Variants in SGCD observed in about 807,000 individuals in gnomAD.
SGCD encodes the protein delta-sarcoglycan.
SGCD carries 18 observed loss-of-function variants against 36.6 expected under a neutral mutation model. The observed-to-expected ratio is 0.49, with a 90% CI of 0.34 to 0.73. SGCD has a LOEUF of 0.73. Among genes scored for constraint, SGCD ranks in the 30% least tolerant of loss-of-function variants. The probability of loss-of-function intolerance (pLI) is 0.01; values close to 1 mark genes in which losing one functional copy is unlikely to be tolerated. For missense variants in SGCD, 387 were observed against 346.7 expected (o/e 1.12, Z -0.92); for synonymous variants, 133 against 130.6 (o/e 1.02, Z -0.12).
intron 7 of SGCD, among the ~76,000 whole-genome samples, chr5:156,669,335 A>G (rs1753195210): frequency 6.6e-6 from 1 of 152,130 alleles, no homozygotes; most frequent in Non-Finnish European, 1.5e-5. Flanking sequence ...AATTTTCCTT[A>G]TTCTTGTCAT....
rs180909137 is a variant in SGCD, at chr5:155,875,161, A to G, written c.-282+4737A>G. Among the ~76,000 whole-genome samples the G allele has an allele frequency of 5.5e-3, 844 of 152,222 alleles. 4 individuals carry two copies. The highest frequency in any genetic ancestry group is 8.8e-3 in the Non-Finnish European group (600 of 67,992). ...GAAAGAAACCAGACAAAAAGTAAAT[A>G]CGTATTGTATAAGCCCATTTATATA... is the stretch of plus-strand genomic sequence containing the variant. On this transcript the variant is annotated intron_variant, in intron 1 of 9. Transcript: ENST00000517913.
At chr5:156,415,147 C>G (rs373173172) in intron 3 of SGCD, among the ~76,000 whole-genome samples, 33 of 152,090 alleles carry the variant, frequency 2.2e-4, no homozygotes, top group African/African-American at 7.2e-4. Context: ...TTTAGTTATA[C>G]TCTATCTCGT....
At chr5:156,735,641 G>A (rs76691977) in intron 7 of SGCD, among the ~76,000 whole-genome samples, 14,175 of 152,200 alleles carry the variant, frequency 0.093, 887 homozygotes, top group South Asian at 0.16. Context: ...GCTCTGTCCC[G>A]GGTAGGTGCA....
chr5:156,348,966 A>G (rs1179287032), intron 3 of SGCD, among the ~76,000 whole-genome samples: 1 of 152,146 alleles, frequency 6.6e-6, no homozygotes, highest in African/African-American at 2.4e-5. Flanking sequence ...AAATCAGCTG[A>G]TCTTTTACAA....
chr5:156,050,734 C>T (rs1316536027), intron 1 of SGCD, among the ~76,000 whole-genome samples: 1 of 146,590 alleles, frequency 6.8e-6, no homozygotes, highest in Admixed American at 6.8e-5. Context: ...TCTTGATGCT[C>T]TAGGAGATAA....
chr5:156,376,811 A>C (rs1406901213), intron 3 of SGCD, among the ~76,000 whole-genome samples: 1 of 152,172 alleles, frequency 6.6e-6, no homozygotes, highest in Non-Finnish European at 1.5e-5. Flanking sequence ...AAGTGGCCCA[A>C]GGTGCTCTCT....
At chr5:156,132,764 G>A (rs539701606) in intron 3 of SGCD, among the ~76,000 whole-genome samples, 4 of 151,948 alleles carry the variant, frequency 2.6e-5, no homozygotes, top group South Asian at 2.1e-4. Flanking sequence ...CACCGCGCCC[G>A]GCCCTTACCA....
chr5:156,225,281 T>C (rs1226002583), intron 3 of SGCD, among the ~76,000 whole-genome samples: 8 of 152,168 alleles, frequency 5.3e-5, no homozygotes, highest in Non-Finnish European at 1.2e-4. Flanking sequence ...GCTATCAAGC[T>C]ACCTTGAAAT....
chr5:156,005,021 G>T (rs1407831906), intron 1 of SGCD, among the ~76,000 whole-genome samples: 2 of 152,190 alleles, frequency 1.3e-5, no homozygotes, highest in Non-Finnish European at 1.5e-5. Context: ...GCACTAGCTG[G>T]CAGGAGGGTG....
chr5:156,673,569 G>A (rs554085841), intron 7 of SGCD, among the ~76,000 whole-genome samples: 21 of 152,206 alleles, frequency 1.4e-4, no homozygotes, highest in African/African-American at 3.9e-4. Flanking sequence ...AACCTGACTC[G>A]TTAATGATAA....
chr5:156,757,425 C>G (rs2113175932), intron 7 of SGCD, among the ~76,000 whole-genome samples, 156 bp from the exon 8 acceptor site: 1 of 151,180 alleles, frequency 6.6e-6, no homozygotes, highest in South Asian at 2.1e-4. Context: ...TTATTATGCT[C>G]CCTGTCATAA....
At chr5:156,442,519 G>A (rs1053114399) in intron 3 of SGCD, among the ~76,000 whole-genome samples, 6 of 152,140 alleles carry the variant, frequency 3.9e-5, no homozygotes, top group South Asian at 2.1e-4. Flanking sequence ...AAATTCAAAC[G>A]TACAAGTGTA....
At chr5:156,011,606 T>A (rs1404063106) in intron 1 of SGCD, among the ~76,000 whole-genome samples, 3 of 152,024 alleles carry the variant, frequency 2.0e-5, no homozygotes, top group Admixed American at 2.0e-4. Flanking sequence ...TGCCGGCCAA[T>A]TTTTTGTATT....
rs1367417546 is a variant in SGCD at position 156,505,759 on chromosome 5, AGT to A, written c.193-2833_193-2832del. The stretch of plus-strand genomic sequence containing the variant: ...ATAAGAAATAACAAAGCATGTTCAT[AGT>A]GTGTGTGTATATACACCAAACACAC... On this transcript the variant is annotated intron_variant, in intron 3 of 8. Coordinates refer to ENST00000337851, the MANE Select transcript of SGCD (RefSeq NM_000337.6). Among the ~76,000 whole-genome samples, 3 of 141,130 alleles carry A rather than the reference AGT, an allele frequency of 2.1e-5. No homozygotes were observed. In the East Asian group the frequency reaches 6.2e-4, roughly 29 times the overall value. 92.6% of individuals were successfully genotyped at this position (141,130 alleles called of 152,430 possible). A position where few individuals can be genotyped will look rare whatever the true frequency, so the allele number is the denominator to read the frequency against.
intron 4 of SGCD, among the ~76,000 whole-genome samples, chr5:156,526,942 C>T (rs898602101): frequency 6.6e-5 from 10 of 152,092 alleles, no homozygotes; most frequent in Admixed American, 1.3e-4. Context: ...GGGCTTTGGT[C>T]GATCTCAGTT....
In SGCD at chr5:156,266,777, GTTTT is replaced by G. The variant is rs67300215; in HGVS notation, c.-43-62745_-43-62742del. Among the ~76,000 whole-genome samples the G allele has an allele frequency of 1.9e-3, 260 of 137,722 alleles. 3 individuals carry two copies. Among genetic ancestry groups the G allele is most frequent in the African/African-American group, 6.6e-3 (251 of 38,304 alleles). 90.4% of individuals were successfully genotyped at this position (137,722 alleles called of 152,430 possible). A position where few individuals can be genotyped will look rare whatever the true frequency, so the allele number is the denominator to read the frequency against. ...ACAGCTGTGACCCACTGGCCCCACT[GTTTT>G]TTTTTTTTTTTGGTAGAATATCATT... On this transcript the variant is annotated intron_variant, in intron 3 of 9. Transcript: ENST00000517913.
In SGCD at chr5:156,039,242, A is replaced by G. The variant is rs9313778; in HGVS notation, c.-281-78636A>G. On this transcript the variant is annotated intron_variant, in intron 1 of 9. Coordinates refer to the SGCD transcript ENST00000517913. ...AATCAGCCAGCACACTTAGTTCTGC[A>G]TGTTCATTTTTTACCTTCTACAGCA... Among the ~76,000 whole-genome samples, 355 of 152,240 alleles carry G rather than the reference A, an allele frequency of 2.3e-3. 3 individuals carry two copies. The highest frequency in any genetic ancestry group is 8.3e-3 in the African/African-American group (344 of 41,550).
chr5:156,668,940 T>C (rs1188539052), intron 7 of SGCD, among the ~76,000 whole-genome samples: 1 of 152,152 alleles, frequency 6.6e-6, no homozygotes, highest in Non-Finnish European at 1.5e-5. Flanking sequence ...GGTGGTCCCA[T>C]ACCAGCTGGA....
intron 1 of SGCD, among the ~76,000 whole-genome samples, chr5:156,007,662 T>C (rs1267928411): frequency 6.6e-6 from 1 of 152,174 alleles, no homozygotes; most frequent in Non-Finnish European, 1.5e-5. Context: ...GACAGAATGA[T>C]AAACTTTATC....
Sources: gnomAD v4.1 joint callset for allele counts (sites outside exome capture counted in the v4.1 genomes callset) on GRCh38, gnomAD v4.1.1 for gene constraint, MANE v1.5 for transcripts, NCBI Gene and HGNC (gene_info 2026-07-23, HGNC 2026-07-21) for gene names.